SAMD7: variants seen among roughly 807,000 people sequenced by gnomAD.
The protein encoded by SAMD7 is sterile alpha motif domain-containing protein 7.
Under a neutral mutation model 36.7 loss-of-function variants are expected in SAMD7, and 34 were observed. That is an observed-to-expected ratio of 0.93 (90% CI 0.71 to 1.23). The LOEUF (loss-of-function observed/expected upper bound fraction) is 1.23. Ranked by LOEUF, SAMD7 falls within the 50% of genes most tolerant of loss-of-function variation. The pLI, the probability that SAMD7 is intolerant of heterozygous loss-of-function variation, is 0.00. For missense variants in SAMD7, 570 were observed against 546.6 expected (o/e 1.04, Z -0.43); for synonymous variants, 188 against 189.7 (o/e 0.99, Z 0.07).
chr3:169,914,423 C>T (rs916501755), intron 1 of SAMD7, among the ~76,000 whole-genome samples: 2 of 152,136 alleles, frequency 1.3e-5, no homozygotes, highest in Non-Finnish European at 2.9e-5. Flanking sequence ...AGGATTAAAA[C>T]AAATGAGGGA....
intron 1 of SAMD7, among the ~76,000 whole-genome samples, chr3:169,914,911 A>G (rs1304718014): frequency 6.6e-6 from 1 of 152,206 alleles, no homozygotes; most frequent in Non-Finnish European, 1.5e-5. Context: ...AGTCTGCCAC[A>G]TTGCCTCAAT....
At chr3:169,925,272 G>C (rs972323469) in intron 5 of SAMD7, 136 bp downstream of exon 5, 3 of 554,122 alleles carry the variant, frequency 5.4e-6, no homozygotes, top group Non-Finnish European at 9.2e-6. Context: ...CTTACATAAA[G>C]TATTTCAGGC....
chr3:169,936,292 C>T, intron 7 of SAMD7, 47 bp from the exon 8 acceptor site: 2 of 1,252,336 alleles, frequency 1.6e-6, no homozygotes, highest in East Asian at 2.3e-5. Context: ...AGAACTTTTT[C>T]AAAAAAAGAC....
intron 3 of SAMD7, among the ~76,000 whole-genome samples, chr3:169,920,084 G>GA (rs1373267629): frequency 2.6e-5 from 4 of 152,248 alleles, no homozygotes; most frequent in Non-Finnish European, 5.9e-5. Flanking sequence ...TGAGGCGGGA[G>GA]AATCGCTTGA....
chr3:169,923,946 G>A (rs546345821), intron 4 of SAMD7, among the ~76,000 whole-genome samples: 1 of 152,208 alleles, frequency 6.6e-6, no homozygotes, highest in South Asian at 2.1e-4. Flanking sequence ...ATGGGAGAAG[G>A]TTTCTTGAGA....
rs1390514202 is a variant in SAMD7, at chr3:169,915,448, T to G, written c.-42+7T>G. On this transcript the variant is annotated splice_region_variant and intron_variant, in intron 2 of 8. Coordinates refer to ENST00000335556, the MANE Select transcript of SAMD7 (RefSeq NM_001304366.2). ...TCCACGGCTTTTCCTAAAGGTAACATGTAAGAGGAAGAGGTGGTGAGTCTC... is the reference window on the plus strand; with the variant it reads ...TCCACGGCTTTTCCTAAAGGTAACAGGTAAGAGGAAGAGGTGGTGAGTCTC... The G allele has an allele frequency of 3.3e-5, 5 of 152,116 alleles. No individual in the cohort carries two copies. The highest frequency in any genetic ancestry group is 5.9e-5 in the Non-Finnish European group (4 of 68,028). 9.4% of individuals were successfully genotyped at this position (152,116 alleles called of 1,614,324 possible).
Position 169,927,081 on chromosome 3 carries a change from G to A in SAMD7, c.819G>A (p.Lys273=). Residue 273 remains lysine, a synonymous_variant, in exon 6 of 9, where the codon AAG becomes AAA. Transcript: ENST00000335556. ...WGSHTTTLKA[K]AWDDGKEEAS... ...CTCACACCACTACCCTGAAAGCAAA[G>A]GCCTGGGACGATGGGAAAGAGGAGG... 1 of 1,602,458 alleles carries A rather than the reference G, an allele frequency of 6.2e-7. No individual in the cohort carries two copies. The highest frequency in any genetic ancestry group is 1.8e-5 in the Admixed American group (1 of 55,794).
chr3:169,918,866 G>A (rs1256362518), intron 2 of SAMD7, among the ~76,000 whole-genome samples: 1 of 152,198 alleles, frequency 6.6e-6, no homozygotes, highest in Non-Finnish European at 1.5e-5. Flanking sequence ...GGAAGTTGGG[G>A]CCAGGCACGG....
At chr3:169,925,201 TCTTC>T in intron 5 of SAMD7, 65 bp downstream of exon 5, 9 of 1,033,914 alleles carry the variant, frequency 8.7e-6, no homozygotes, top group Non-Finnish European at 1.3e-5. Context: ...TCACTTGTTA[TCTTC>T]ATATAACAAA....
Position 169,927,027 on chromosome 3 carries a change from C to T in SAMD7, c.765C>T (p.Leu255=), listed in dbSNP as rs1311602014. The change falls in exon 6 of 9, where the codon CTC becomes CTT. Residue 255 remains leucine (L), a synonymous_variant. Transcript: ENST00000335556. ...TTALANTCGE[L]EPTHRKPWGS... ...CTCTTGCCAACACCTGTGGAGAGCTCGAGCCCACCCATAGGAAACCCTGGG... is the reference window on the plus strand; with the variant it reads ...CTCTTGCCAACACCTGTGGAGAGCTTGAGCCCACCCATAGGAAACCCTGGG... 2.5e-6 allele frequency: 4 copies of T among 1,613,260 alleles called. No individual in the cohort carries two copies. Among genetic ancestry groups the T allele is most frequent in the Non-Finnish European group, 8.5e-7 (1 of 1,179,760 alleles).
intron 5 of SAMD7, among the ~76,000 whole-genome samples, chr3:169,925,783 C>A (rs1713233732): frequency 6.6e-6 from 1 of 152,140 alleles, no homozygotes; most frequent in South Asian, 2.1e-4. Context: ...ACACAGATTG[C>A]AAAAGACCAT....
rs1457156013 is a variant in SAMD7 at position 169,927,111 on chromosome 3, G to A, written c.849G>A (p.Ser283=). The change falls in exon 6 of 9, where the codon TCG becomes TCA. Residue 283 remains serine, a synonymous_variant. Coordinates refer to ENST00000335556, the MANE Select transcript of SAMD7 (RefSeq NM_001304366.2). Reference sequence around the variant, plus strand: ...GGGACGATGGGAAAGAGGAGGCTTCGGAGCAGATTTTTGCAACCTGTGATG... The same window carrying A: ...GGGACGATGGGAAAGAGGAGGCTTCAGAGCAGATTTTTGCAACCTGTGATG... The part of the protein sequence containing the change: ...KAWDDGKEEA[S]EQIFATCDEK... The A allele has an allele frequency of 8.8e-6, 14 of 1,583,534 alleles. No homozygotes were observed. The highest frequency in any genetic ancestry group is 1.2e-5 in the Non-Finnish European group (14 of 1,170,696).
chr3:169,938,210 G>A, intron 8 of SAMD7, 108 bp from the exon 9 acceptor site: 1 of 695,628 alleles, frequency 1.4e-6, no homozygotes, highest in Non-Finnish European at 2.5e-6. Context: ...TATGTTAATA[G>A]ATGCTCCATG....
chr3:169,933,286 CACA>C, intron 7 of SAMD7: 1 of 453,930 alleles, frequency 2.2e-6, no homozygotes, highest in Non-Finnish European at 4.1e-6. Context: ...AGAGAAGCAG[CACA>C]ATCAATTCCA....
chr3:169,914,604 G>T (rs1712724917), intron 1 of SAMD7, among the ~76,000 whole-genome samples: 2 of 152,108 alleles, frequency 1.3e-5, no homozygotes, highest in African/African-American at 4.8e-5. Context: ...CACTCCCCTG[G>T]CATTTCAAAA....
chr3:169,922,339 G>A (rs940356157), intron 4 of SAMD7, among the ~76,000 whole-genome samples: 4 of 152,216 alleles, frequency 2.6e-5, no homozygotes, highest in South Asian at 4.1e-4. Context: ...CAGAGATGAG[G>A]AAAAGCAAGC....
At chr3:169,928,670 C>T in intron 7 of SAMD7, 92 bp downstream of exon 7, 7 of 1,288,422 alleles carry the variant, frequency 5.4e-6, no homozygotes, top group Non-Finnish European at 7.7e-6. Context: ...ATTGTGCCTC[C>T]AGAAAGGATT....
chr3:169,934,110 C>T lies in SAMD7; in HGVS notation c.1042-2229C>T, dbSNP rs138365243. 5.9e-3 allele frequency among the ~76,000 whole-genome samples: 902 copies of T among 152,214 alleles called. 11 individuals are homozygous for T. Among genetic ancestry groups the T allele is most frequent in the African/African-American group, 0.021 (859 of 41,546 alleles). On this transcript the variant is annotated intron_variant, in intron 7 of 8. Transcript: ENST00000335556. ...ATGAGACTGGAGAGGTGGACAGGGC[C>T]AGGTCACAGAGCCCAGAAGACCCAG... is the stretch of plus-strand genomic sequence containing the variant.
At chr3:169,921,088 T>G (rs990753809) in intron 3 of SAMD7, 126 bp from the exon 4 acceptor site, 2 of 835,014 alleles carry the variant, frequency 2.4e-6, no homozygotes, top group African/African-American at 3.4e-5. Flanking sequence ...AGGACTTTTG[T>G]ATTTCATCTT....
Sources: allele counts gnomAD v4.1 joint callset (sites outside exome capture counted in the v4.1 genomes callset), GRCh38; gene constraint gnomAD v4.1.1; transcripts MANE v1.5; gene names NCBI Gene and HGNC (gene_info 2026-07-23, HGNC 2026-07-21).